MTIF2: variants seen among roughly 807,000 people sequenced by gnomAD.
MTIF2 encodes the protein mitochondrial translational initiation factor 2.
MTIF2 carries 71 observed loss-of-function variants against 83.5 expected under a neutral mutation model. That is an observed-to-expected ratio of 0.85 (90% CI 0.70 to 1.04). The LOEUF (loss-of-function observed/expected upper bound fraction) is 1.04. Ranked by LOEUF, MTIF2 falls within the 50% of genes least tolerant of loss-of-function variation. The probability of loss-of-function intolerance (pLI) is 0.00; values close to 1 mark genes in which losing one functional copy is unlikely to be tolerated. For synonymous variants in MTIF2, 319 were observed against 287.1 expected (o/e 1.11, Z -1.12); for missense variants, 957 against 846.5 (o/e 1.13, Z -1.62).
intron 3 of MTIF2, among the ~76,000 whole-genome samples, chr2:55,265,384 G>A (rs930292748): frequency 9.9e-5 from 15 of 151,014 alleles, no homozygotes; most frequent in East Asian, 7.8e-4. Context: ...GTTCATTGTC[G>A]TTAAAGCAAG....
intron 14 of MTIF2, among the ~76,000 whole-genome samples, chr2:55,239,383 G>T (rs1676132129): frequency 1.3e-5 from 2 of 152,096 alleles, no homozygotes; most frequent in African/African-American, 2.4e-5. Context: ...CAAAAATGAG[G>T]CAAATAGGAC....
At chr2:55,264,015 A>G (rs757188074) in intron 3 of MTIF2, 150 bp from the exon 4 acceptor site, 1 of 622,300 alleles carries the variant, frequency 1.6e-6, no homozygotes, top group Non-Finnish European at 2.8e-6. Context: ...GAAAAATCTC[A>G]GTCTCATCAA....
chr2:55,253,768 T>C (rs903580012), intron 7 of MTIF2, among the ~76,000 whole-genome samples: 2 of 114,558 alleles, frequency 1.7e-5, no homozygotes, highest in African/African-American at 3.1e-5. Context: ...TGAGCCAAGA[T>C]TGCACCACTG....
At chr2:55,246,792 A>G (rs1676732119) in intron 9 of MTIF2, among the ~76,000 whole-genome samples, 1 of 152,122 alleles carries the variant, frequency 6.6e-6, no homozygotes, top group Non-Finnish European at 1.5e-5. Flanking sequence ...GCAATGCTTC[A>G]TTCATTTTCT....
At chr2:55,263,956 A>C (rs535118772) in intron 3 of MTIF2, 91 bp from the exon 4 acceptor site, 1 of 918,978 alleles carries the variant, frequency 1.1e-6, no homozygotes, top group South Asian at 1.6e-5. Flanking sequence ...ACTGGACTAC[A>C]CTTAGCTCAC....
chr2:55,251,561 C>T (rs540086166), intron 8 of MTIF2, among the ~76,000 whole-genome samples: 2 of 152,102 alleles, frequency 1.3e-5, no homozygotes, highest in East Asian at 3.9e-4. Flanking sequence ...CACACTTTAT[C>T]GAGTACATTT....
intron 7 of MTIF2, 152 bp downstream of exon 7, chr2:55,253,889 T>C: frequency 1.2e-6 from 1 of 802,858 alleles, no homozygotes. Context: ...AACACAGCTT[T>C]ACTAACCACT....
At chr2:55,257,104 T>C (rs921117015) in intron 5 of MTIF2, among the ~76,000 whole-genome samples, 1 of 152,222 alleles carries the variant, frequency 6.6e-6, no homozygotes, top group African/African-American at 2.4e-5. Context: ...GATAAATAAA[T>C]GTATCTGTGA....
chr2:55,263,752 C>G lies in MTIF2; in HGVS notation c.107G>C (p.Gly36Ala), dbSNP rs774223798. The G allele has an allele frequency of 6.2e-7, 1 of 1,614,114 alleles. No individual in the cohort carries two copies. The highest frequency in any genetic ancestry group is 8.5e-7 in the Non-Finnish European group (1 of 1,180,020). ...CCACACAGGGTAAGCAGATGAAAAC[C>G]CATGCCTCCACTGTCTTAATGCTCT... ...QRRALRQWRHGFSSAYPVWTA... is the reference protein window; with the variant it reads ...QRRALRQWRHAFSSAYPVWTA... Residue 36 changes from glycine to alanine, a missense_variant, in exon 4 of 16, where the codon GGG becomes GCG. Coordinates refer to ENST00000263629, the MANE Select transcript of MTIF2 (RefSeq NM_002453.3).
chr2:55,247,836 C>T, intron 9 of MTIF2, among the ~76,000 whole-genome samples: 1 of 152,138 alleles, frequency 6.6e-6, no homozygotes, highest in East Asian at 1.9e-4. Context: ...AGCAGCTTTA[C>T]ATCTACCTAC....
At chr2:55,267,254 T>A (rs920735028) in intron 3 of MTIF2, among the ~76,000 whole-genome samples, 1 of 152,116 alleles carries the variant, frequency 6.6e-6, no homozygotes, top group South Asian at 2.1e-4. Flanking sequence ...CCTGCTGGGT[T>A]CAGGGGATTC....
At chr2:55,258,056 T>C (rs1057117901) in intron 5 of MTIF2, among the ~76,000 whole-genome samples, 2 of 152,216 alleles carry the variant, frequency 1.3e-5, no homozygotes, top group Non-Finnish European at 2.9e-5. Context: ...CCTCTGAAAG[T>C]GCTGGGATTA....
In MTIF2 at chr2:55,237,338, T is replaced by TCTAA. The variant is rs771681947; in HGVS notation, c.1957_1960dup (p.Glu654ValfsTer8). 1.3e-5 allele frequency: 21 copies of TCTAA among 1,612,890 alleles called. No homozygotes were observed. The African/African-American group carries it at 1.6e-4, about 12-fold the overall frequency. ...GGTTAGTTTAAATTTTTTTTGTTTT[T>TCTAA]CTAACTGTCCCTTTTGGACTCTGCA... On this transcript the variant is annotated frameshift_variant, in exon 15 of 16. Transcript: ENST00000263629. LOFTEE classifies it high-confidence loss of function.
At chr2:55,249,657 A>T (rs949171194) in intron 8 of MTIF2, 123 bp from the exon 9 acceptor site, 17 of 1,174,956 alleles carry the variant, frequency 1.4e-5, no homozygotes, top group Non-Finnish European at 2.0e-5. Context: ...TTTATCTAAC[A>T]AAAGGCCAAA....
At chr2:55,252,370 C>T (rs1677160176) in intron 8 of MTIF2, 107 bp downstream of exon 8, 1 of 925,732 alleles carries the variant, frequency 1.1e-6, no homozygotes, top group East Asian at 2.4e-5. Context: ...ATCTGTAATA[C>T]ACGTATAATA....
intron 9 of MTIF2, among the ~76,000 whole-genome samples, chr2:55,248,907 G>A (rs1386211077): frequency 6.6e-6 from 1 of 151,996 alleles, no homozygotes; most frequent in Non-Finnish European, 1.5e-5. Context: ...AGGCCAAGGT[G>A]GGACAATGGC....
chr2:55,249,536 T>C lies in MTIF2; in HGVS notation c.842-2A>G, dbSNP rs377191886. On this transcript the variant is annotated splice_acceptor_variant, in intron 8 of 15. Transcript: ENST00000263629. LOFTEE classifies it high-confidence loss of function. ...TATTTACGGCAAGGATAATAGGAACTGAAAGAAATGGAGTTAAAAAGAGTG... is the reference window on the plus strand; with the variant it reads ...TATTTACGGCAAGGATAATAGGAACCGAAAGAAATGGAGTTAAAAAGAGTG... The C allele has an allele frequency of 6.2e-7, 1 of 1,612,622 alleles. No homozygotes were observed. Among genetic ancestry groups the C allele is most frequent in the South Asian group, 1.1e-5 (1 of 90,806 alleles).
rs1675913721 is a variant in MTIF2 at position 55,237,305 on chromosome 2, C to T, written c.1994G>A (p.Gly665Glu). 6.2e-7 allele frequency: 1 copy of T among 1,612,328 alleles called. No individual in the cohort carries two copies. The highest frequency in any genetic ancestry group is 1.3e-5 in the African/African-American group (1 of 74,778). Residue 665 changes from glycine to glutamate, a missense_variant, in exon 15 of 16, where the codon GGA becomes GAA. Transcript: ENST00000263629. ...KQKKFKLTRN[G>E]HVIWKGSLTS... ...TTGCTTACCCTTCCAAATTACATGTCCATTACGGGTTAGTTTAAATTTTTT... is the reference window on the plus strand; with the variant it reads ...TTGCTTACCCTTCCAAATTACATGTTCATTACGGGTTAGTTTAAATTTTTT...
chr2:55,242,795 G>T, intron 13 of MTIF2, 145 bp downstream of exon 13: 1 of 744,154 alleles, frequency 1.3e-6, no homozygotes, highest in Non-Finnish European at 2.1e-6. Context: ...AGTTTCAATT[G>T]CTAGCTGGGA....
Sources: gnomAD v4.1 joint callset for allele counts (sites outside exome capture counted in the v4.1 genomes callset) on GRCh38, gnomAD v4.1.1 for gene constraint, MANE v1.5 for transcripts, NCBI Gene and HGNC (gene_info 2026-07-23, HGNC 2026-07-21) for gene names.